IFT122: variants seen among roughly 807,000 people sequenced by gnomAD.
IFT122 encodes the protein intraflagellar transport 122.
Under a neutral mutation model 161.6 loss-of-function variants are expected in IFT122, and 118 were observed. That is an observed-to-expected ratio of 0.73 (90% CI 0.63 to 0.85). IFT122 has a LOEUF of 0.85. Ranked by LOEUF, IFT122 falls within the 40% of genes least tolerant of loss-of-function variation. The pLI, the probability that IFT122 is intolerant of heterozygous loss-of-function variation, is 0.00. For missense variants in IFT122, 1,381 were observed against 1,579.6 expected (o/e 0.87, Z 2.13); for synonymous variants, 550 against 602.4 (o/e 0.91, Z 1.27).
In IFT122 at chr3:129,519,110, C is replaced by G. The variant is rs1274458608; in HGVS notation, c.3395C>G (p.Ser1132Cys). Residue 1132 changes from serine (S) to cysteine (C), a missense_variant, in exon 28 of 30, where the codon TCC becomes TGC. Transcript: ENST00000348417. Reference protein sequence around the residue: ...DRQLEIANNSSQILRLVETKD... With the variant: ...DRQLEIANNSCQILRLVETKD... ...ATCCTTGACCAGATCCCTCCAGGCT[C>G]CCAGATTCTGCGGCTAGTGGAGACC... The G allele has an allele frequency of 6.2e-7, 1 of 1,613,986 alleles. No individual in the cohort carries two copies. Among genetic ancestry groups the G allele is most frequent in the Non-Finnish European group, 8.5e-7 (1 of 1,179,858 alleles).
At position 129,506,390 on chromosome 3, in the gene IFT122, C is replaced by A. The variant is rs1486799636; in HGVS notation, c.2651-19C>A. The A allele has an allele frequency of 2.5e-6, 4 of 1,612,450 alleles. No individual in the cohort carries two copies. In the African/African-American group the frequency reaches 5.3e-5, roughly 22 times the overall value. On this transcript the variant is annotated intron_variant, in intron 21 of 29. Transcript: ENST00000348417. The stretch of plus-strand genomic sequence containing the variant: ...CCTAAATAGCATGTGCTTTTTTCCT[C>A]CCTCCACCACTCCTACAGCGTTCCA...
chr3:129,464,592 G>T (rs915777659), intron 6 of IFT122, 43 bp from the exon 7 acceptor site: 1 of 1,613,662 alleles, frequency 6.2e-7, no homozygotes, highest in Non-Finnish European at 8.5e-7. Flanking sequence ...CTTCTGTGGG[G>T]TGCTTCCCCT....
At chr3:129,446,515 G>A (rs1180715697) in intron 1 of IFT122, among the ~76,000 whole-genome samples, 1 of 152,018 alleles carries the variant, frequency 6.6e-6, no homozygotes, top group Non-Finnish European at 1.5e-5. Flanking sequence ...GCGCCCGGCC[G>A]ACCCTAGGTC....
chr3:129,502,997 A>G (rs1414706192), intron 20 of IFT122, 115 bp downstream of exon 20: 12 of 950,100 alleles, frequency 1.3e-5, no homozygotes, highest in Non-Finnish European at 1.7e-5. Context: ...TCGTGATGGA[A>G]GGAACATTGG....
At chr3:129,448,693 A>T (rs1352548331) in intron 1 of IFT122, among the ~76,000 whole-genome samples, 1 of 148,968 alleles carries the variant, frequency 6.7e-6, no homozygotes, top group African/African-American at 2.5e-5. Context: ...TTATTTATTT[A>T]TTTATTTTTT....
Position 129,462,843 on chromosome 3 carries a change from C to A in IFT122, c.350-717C>A, listed in dbSNP as rs531582623. Among the ~76,000 whole-genome samples the A allele has an allele frequency of 4.6e-5, 7 of 152,226 alleles. No individual in the cohort carries two copies. The South Asian group carries it at 1.5e-3, about 32-fold the overall frequency. ...CAGGGGGGAGCAAGCCTTAGGTGAC[C>A]AGTGTGCCATGGGAGAGGCACAGCT... On this transcript the variant is annotated intron_variant, in intron 5 of 29. Transcript: ENST00000348417.
At chr3:129,452,082 T>G in intron 3 of IFT122, 84 bp downstream of exon 3, 2 of 1,079,136 alleles carry the variant, frequency 1.9e-6, no homozygotes, top group Non-Finnish European at 2.9e-6. Flanking sequence ...TAATTATTTC[T>G]AGTAAGCTGG....
At chr3:129,505,424 G>A (rs1030555086) in intron 21 of IFT122, among the ~76,000 whole-genome samples, 13 of 152,322 alleles carry the variant, frequency 8.5e-5, no homozygotes, top group East Asian at 1.9e-4. Flanking sequence ...GAAGGTTAGC[G>A]CATTCTCTGC....
chr3:129,502,661 C>T lies in IFT122; in HGVS notation c.2376-50C>T, dbSNP rs372554442. On this transcript the variant is annotated intron_variant, in intron 19 of 29. Coordinates refer to ENST00000348417, the MANE Select transcript of IFT122 (RefSeq NM_052989.3). The stretch of plus-strand genomic sequence containing the variant: ...CAGAATGAATGGACATACGGCTTGC[C>T]GTTGACAAGACCCAGAGCCCACCCT... 4.6e-5 allele frequency: 74 copies of T among 1,594,622 alleles called. 2 individuals carry two copies. Among genetic ancestry groups the T allele is most frequent in the South Asian group, 1.9e-4 (17 of 90,858 alleles).
rs979760217 is a variant in IFT122 at position 129,492,190 on chromosome 3, T to C, written c.2042T>C (p.Ile681Thr). 4 of 1,612,240 alleles carry C rather than the reference T, an allele frequency of 2.5e-6. No homozygotes were observed. Among genetic ancestry groups the C allele is most frequent in the East Asian group, 2.2e-5 (1 of 44,858 alleles). The change falls in exon 17 of 30, where the codon ATT (isoleucine) becomes ACT (threonine). Residue 681 changes from isoleucine to threonine, a missense_variant. Physicochemically the swap from Ile to Thr is moderately conservative, Grantham distance 89 (BLOSUM62 -1). Around this residue, in one of 7 missense-constraint regions of IFT122, gnomAD observed 496 missense variants for 502.5 expected, o/e 0.99. Coordinates refer to ENST00000348417, the MANE Select transcript of IFT122 (RefSeq NM_052989.3). The stretch of plus-strand genomic sequence containing the variant: ...CGATATTTAGAGCTCATCAGCAGCA[T>C]TGAGGTAAAAGATGAAGCATTTTTC... ...DLRYLELISS[I>T]EERKKRGETN...
intron 16 of IFT122, among the ~76,000 whole-genome samples, chr3:129,489,866 G>A (rs946966613): frequency 6.6e-6 from 1 of 151,058 alleles, no homozygotes; most frequent in African/African-American, 2.4e-5. Flanking sequence ...AGAATTCAGA[G>A]GAGGGAGGAG....
At chr3:129,450,922 G>A (rs914260127) in intron 2 of IFT122, among the ~76,000 whole-genome samples, 7 of 151,682 alleles carry the variant, frequency 4.6e-5, no homozygotes, top group East Asian at 1.9e-4. Flanking sequence ...GGGTTTCTCC[G>A]TGTTAGCCAG....
intron 5 of IFT122, among the ~76,000 whole-genome samples, chr3:129,462,271 T>C (rs1156864375): frequency 6.6e-6 from 1 of 152,208 alleles, no homozygotes; most frequent in Non-Finnish European, 1.5e-5. Context: ...CTCAAGGAGC[T>C]TGTGGTCTTA....
At position 129,476,503 on chromosome 3, in the gene IFT122, T is replaced by C; in HGVS notation, c.1005T>C (p.Tyr335=). 4 of 1,614,096 alleles carry C rather than the reference T, an allele frequency of 2.5e-6. No individual in the cohort carries two copies. Among genetic ancestry groups the C allele is most frequent in the African/African-American group, 1.3e-5 (1 of 75,024 alleles). ...GTCAAGCGAAACCGGATTCCAACTA[T>C]GTGGTAAGAAGAGAAAGTTTGTTCT... ...WTCQAKPDSN[Y]VVVGCQDGTI... The change falls in exon 10 of 30, where the codon TAT becomes TAC. Residue 335 remains tyrosine (Y), a synonymous_variant. Coordinates refer to ENST00000348417, the MANE Select transcript of IFT122 (RefSeq NM_052989.3).
rs535838151 is a variant in IFT122 at position 129,470,618 on chromosome 3, T to G, written c.816+1201T>G. ...CAGAGTCTCACTCTGTCGCCTAGGC[T>G]GGAGTGTAATGGCTCAATCTCGGTT... On this transcript the variant is annotated intron_variant, in intron 9 of 29. Coordinates refer to ENST00000348417, the MANE Select transcript of IFT122 (RefSeq NM_052989.3). 2.6e-4 allele frequency among the ~76,000 whole-genome samples: 39 copies of G among 152,006 alleles called. 1 individual carries two copies. The South Asian group carries it at 8.1e-3, about 32-fold the overall frequency.
At chr3:129,483,804 C>T (rs1219990262) in intron 15 of IFT122, 122 bp downstream of exon 15, 26 of 1,081,596 alleles carry the variant, frequency 2.4e-5, no homozygotes, top group South Asian at 5.5e-5. Flanking sequence ...GCTGTGAGGT[C>T]GTGGGAGGCA....
chr3:129,515,427 T>G (rs1313338494), intron 25 of IFT122, 61 bp from the exon 26 acceptor site: 7 of 1,187,414 alleles, frequency 5.9e-6, no homozygotes, highest in Non-Finnish European at 8.5e-6. Flanking sequence ...GAAGCCAGAG[T>G]CCAGGGGGAG....
At chr3:129,454,556 T>TGTGTGTGCGC (rs1023661478) in intron 3 of IFT122, among the ~76,000 whole-genome samples, 1 of 150,066 alleles carries the variant, frequency 6.7e-6, no homozygotes, top group Non-Finnish European at 1.5e-5. Flanking sequence ...TGTGTGTGTG[T>TGTGTGTGCGC]GCATGTTTGA....
intron 8 of IFT122, among the ~76,000 whole-genome samples, chr3:129,468,755 G>A (rs2077062924): frequency 6.6e-6 from 1 of 152,160 alleles, no homozygotes; most frequent in Admixed American, 6.5e-5. Context: ...ATCCCCATAG[G>A]TTCTCAGTTT....
Sources: gnomAD v4.1 joint callset for allele counts (sites outside exome capture counted in the v4.1 genomes callset) on GRCh38, gnomAD v4.1.1 for gene constraint, gnomAD v4.1.1 regional missense constraint, MANE v1.5 for transcripts, NCBI Gene and HGNC (gene_info 2026-07-23, HGNC 2026-07-21) for gene names.